DARS1: variants seen among roughly 807,000 people sequenced by gnomAD.
The protein encoded by DARS1 is aspartyl-tRNA synthetase 1, also known as aspartate--tRNA ligase, cytoplasmic.
In DARS1, 51 loss-of-function variants were observed where a neutral mutation model predicts 68.8. The ratio of observed to expected loss-of-function variants is 0.74; its 90% CI spans 0.59 to 0.94. The LOEUF (loss-of-function observed/expected upper bound fraction) is 0.94. Among genes scored for constraint, DARS1 ranks in the 40% least tolerant of loss-of-function variants. The pLI is 0.00. For missense variants in DARS1, 607 were observed against 597.3 expected (o/e 1.02, Z -0.17); for synonymous variants, 203 against 190.4 (o/e 1.07, Z -0.55).
At chr2:135,958,599 C>T (rs562795778) in intron 4 of DARS1, among the ~76,000 whole-genome samples, 1 of 152,304 alleles carries the variant, frequency 6.6e-6, no homozygotes, top group South Asian at 2.1e-4. Flanking sequence ...GACAAACTGA[C>T]TGACCCATCT....
chr2:135,933,781 T>G, intron 6 of DARS1, 129 bp downstream of exon 6: 1 of 1,305,790 alleles, frequency 7.7e-7, no homozygotes, highest in African/African-American at 1.5e-5. Flanking sequence ...ATTGCTGATT[T>G]TAAGAGTAAG....
At position 135,943,217 on chromosome 2, in the gene DARS1, A is replaced by G. The variant is rs184334900; in HGVS notation, c.423+161T>C. The G allele has an allele frequency of 1.2e-3, 1,172 of 1,011,166 alleles. 13 individuals carry two copies. The highest frequency in any genetic ancestry group is 2.5e-4 in the Non-Finnish European group (179 of 721,830). The allele number at this position is 1,011,166 out of a possible 1,614,324, so 62.6% of individuals were successfully genotyped here. A position where few individuals can be genotyped will look rare whatever the true frequency, so the allele number is the denominator to read the frequency against. On this transcript the variant is annotated intron_variant, in intron 5 of 15. Transcript: ENST00000264161. ...TGTTTGTTGTTTCAAGTCACTAAGT[A>G]CTGGGGTGATTTGTTATATAACAAA... is the stretch of plus-strand genomic sequence containing the variant.
At position 135,940,776 on chromosome 2, in the gene DARS1, A is replaced by G. The variant is rs188002175; in HGVS notation, c.423+2602T>C. ...TTAGAAAACCCCATCGTCTCAGGCCAAAACCTCCTTAAGCTGATACGCAAC... is the reference window on the plus strand; with the variant it reads ...TTAGAAAACCCCATCGTCTCAGGCCGAAACCTCCTTAAGCTGATACGCAAC... On this transcript the variant is annotated intron_variant, in intron 5 of 15. Transcript: ENST00000264161. Among the ~76,000 whole-genome samples the G allele has an allele frequency of 4.3e-4, 66 of 152,350 alleles. No individual in the cohort carries two copies. The East Asian group carries it at 0.011, about 26-fold the overall frequency.
intron 3 of DARS1, among the ~76,000 whole-genome samples, chr2:135,973,729 G>T (rs1182841959): frequency 6.6e-6 from 1 of 151,998 alleles, no homozygotes; most frequent in African/African-American, 2.4e-5. Context: ...AATTAGCTGG[G>T]CGTGGTGACA....
At chr2:135,968,256 T>G (rs1171287368) in intron 3 of DARS1, among the ~76,000 whole-genome samples, 1 of 152,138 alleles carries the variant, frequency 6.6e-6, no homozygotes, top group Non-Finnish European at 1.5e-5. Flanking sequence ...AGAGCAAGAC[T>G]CTGTTTCAAA....
chr2:135,918,094 T>A (rs1681044020), intron 10 of DARS1, among the ~76,000 whole-genome samples: 1 of 152,002 alleles, frequency 6.6e-6, no homozygotes, highest in South Asian at 2.1e-4. Context: ...TAATTTTTTG[T>A]ACTTTTAGTA....
chr2:135,907,238 C>CGGTGGT lies in DARS1; in HGVS notation c.*77_*78insACCACC. On this transcript the variant is annotated 3_prime_UTR_variant, in exon 16 of 16. Transcript: ENST00000264161. The stretch of plus-strand genomic sequence containing the variant: ...AGGTTACTGAAAAGAATAAGTGTGG[C>CGGTGGT]TTTCTTTTTTTTTTTTTTTTTTTGA... The CGGTGGT allele has an allele frequency of 1.4e-6, 1 of 724,940 alleles. No individual in the cohort carries two copies. Among genetic ancestry groups the CGGTGGT allele is most frequent in the Non-Finnish European group, 2.0e-6 (1 of 491,690 alleles). The allele number at this position is 724,940 out of a possible 1,614,324, so 44.9% of individuals were successfully genotyped here. A position where few individuals can be genotyped will look rare whatever the true frequency, so the allele number is the denominator to read the frequency against.
At chr2:135,941,717 C>T (rs1681602149) in intron 5 of DARS1, among the ~76,000 whole-genome samples, 1 of 151,736 alleles carries the variant, frequency 6.6e-6, no homozygotes, top group Non-Finnish European at 1.5e-5. Context: ...TCAGAGTGAA[C>T]AGGCAACCTA....
At position 135,907,266 on chromosome 2, in the gene DARS1, C is replaced by A; in HGVS notation, c.*50G>T. 4 of 572,656 alleles carry A rather than the reference C, an allele frequency of 7.0e-6. No individual in the cohort carries two copies. Among genetic ancestry groups the A allele is most frequent in the Admixed American group, 9.4e-5 (2 of 21,350 alleles). The allele number at this position is 572,656 out of a possible 1,614,324, so 35.5% of individuals were successfully genotyped here. A position where few individuals can be genotyped will look rare whatever the true frequency, so the allele number is the denominator to read the frequency against. ...TCTTTTTTTTTTTTTTTTTTTGAGG[C>A]AGGGTCTCGCTCTGTCATCCACACT... is the stretch of plus-strand genomic sequence containing the variant. On this transcript the variant is annotated 3_prime_UTR_variant, in exon 16 of 16. Coordinates refer to ENST00000264161, the MANE Select transcript of DARS1 (RefSeq NM_001349.4).
At chr2:135,935,112 T>C (rs1040106000) in intron 5 of DARS1, among the ~76,000 whole-genome samples, 1 of 152,120 alleles carries the variant, frequency 6.6e-6, no homozygotes, top group Admixed American at 6.5e-5. Context: ...TAACAGCATT[T>C]GGCCAGCGCC....
At chr2:135,981,365 C>T (rs192856988) in intron 2 of DARS1, among the ~76,000 whole-genome samples, 60 of 152,236 alleles carry the variant, frequency 3.9e-4, no homozygotes, top group African/African-American at 1.4e-3. Context: ...ATATCATCCC[C>T]TATACTCTAT....
At chr2:135,978,164 AAG>A (rs1682543240) in intron 3 of DARS1, among the ~76,000 whole-genome samples, 7 of 146,802 alleles carry the variant, frequency 4.8e-5, no homozygotes, top group Admixed American at 1.4e-4. Context: ...AAAAAAAAAA[AAG>A]AAAAAAAGAA....
intron 5 of DARS1, among the ~76,000 whole-genome samples, chr2:135,938,451 A>G (rs1217333526): frequency 1.3e-5 from 2 of 152,126 alleles, no homozygotes; most frequent in East Asian, 3.9e-4. Flanking sequence ...CCTTTAGCTC[A>G]GAGAAGTTTA....
chr2:135,941,127 C>T (rs1681585947), intron 5 of DARS1, among the ~76,000 whole-genome samples: 1 of 152,188 alleles, frequency 6.6e-6, no homozygotes, highest in Admixed American at 6.5e-5. Context: ...ATCAAGCTAC[C>T]AAGGACTTTC....
chr2:135,938,293 T>C (rs963013929), intron 5 of DARS1, among the ~76,000 whole-genome samples: 1 of 152,244 alleles, frequency 6.6e-6, no homozygotes, highest in Admixed American at 6.5e-5. Flanking sequence ...CTACTGAAGC[T>C]TGTGCATGCA....
At chr2:135,932,406 C>T (rs1681371030) in intron 7 of DARS1, among the ~76,000 whole-genome samples, 1 of 152,176 alleles carries the variant, frequency 6.6e-6, no homozygotes, top group South Asian at 2.1e-4. Context: ...AATTACTCAT[C>T]TCCACCTGGT....
At chr2:135,927,774 T>C (rs1374490081) in intron 7 of DARS1, among the ~76,000 whole-genome samples, 2 of 152,136 alleles carry the variant, frequency 1.3e-5, no homozygotes, top group Admixed American at 1.3e-4. Context: ...TCCTTGAACT[T>C]TAGTTCTAAA....
chr2:135,912,621 C>T, intron 12 of DARS1, 55 bp from the exon 13 acceptor site: 1 of 685,346 alleles, frequency 1.5e-6, no homozygotes, highest in Non-Finnish European at 2.5e-6. Context: ...AAATGGCTAA[C>T]ATTTTGGTAA....
Position 135,985,608 on chromosome 2 carries a change from G to A in DARS1, c.-140C>T. The A allele has an allele frequency of 6.6e-7, 1 of 1,518,162 alleles. No homozygotes were observed. The highest frequency in any genetic ancestry group is 8.9e-7 in the Non-Finnish European group (1 of 1,127,472). The allele number at this position is 1,518,162 out of a possible 1,614,324, so 94.0% of individuals were successfully genotyped here. A position where few individuals can be genotyped will look rare whatever the true frequency, so the allele number is the denominator to read the frequency against. ...CACACGCGCTCGGACTCCGCGTGGA[G>A]GTGCGGCTCCAGAAAGATCGCGAGA... On this transcript the variant is annotated 5_prime_UTR_variant, in exon 1 of 16. Coordinates refer to ENST00000264161, the MANE Select transcript of DARS1 (RefSeq NM_001349.4).
Sources: gnomAD v4.1 joint callset for allele counts (sites outside exome capture counted in the v4.1 genomes callset) on GRCh38, gnomAD v4.1.1 for gene constraint, MANE v1.5 for transcripts, NCBI Gene and HGNC (gene_info 2026-07-23, HGNC 2026-07-21) for gene names.